Variants in SHC3 observed in about 807,000 individuals in gnomAD.
The protein encoded by SHC3 is SHC adaptor protein 3.
Under a neutral mutation model 60.4 loss-of-function variants are expected in SHC3, and 15 were observed. The observed-to-expected ratio is 0.25, with a 90% CI of 0.17 to 0.38. The LOEUF is 0.38. SHC3 is among the 10% of genes least tolerant of loss of function. The probability of loss-of-function intolerance (pLI) is 1.00; values close to 1 mark genes in which losing one functional copy is unlikely to be tolerated. For synonymous variants in SHC3, 294 were observed against 325.9 expected, an observed-to-expected ratio of 0.90 and a Z score of 1.05; for missense variants, 677 against 786.1, an observed-to-expected ratio of 0.86 and a Z score of 1.66.
intron 1 of SHC3, among the ~76,000 whole-genome samples, chr9:89,174,628 T>G (rs1341933741): frequency 6.6e-6 from 1 of 152,198 alleles, no homozygotes; most frequent in Non-Finnish European, 1.5e-5. Flanking sequence ...CTAAATATGG[T>G]CACTTCTTAT....
At chr9:89,014,149 A>T (rs1459716706) in intron 11 of SHC3, among the ~76,000 whole-genome samples, 2 of 152,112 alleles carry the variant, frequency 1.3e-5, no homozygotes, top group Non-Finnish European at 2.9e-5. Context: ...GCAGTCCCCC[A>T]CTGGAGAGTG....
chr9:89,159,601 A>G (rs1022354012), intron 1 of SHC3, among the ~76,000 whole-genome samples: 8 of 152,220 alleles, frequency 5.3e-5, no homozygotes, highest in Admixed American at 3.9e-4. Flanking sequence ...AGGGGAGTTT[A>G]TAAAGTATTA....
intron 7 of SHC3, among the ~76,000 whole-genome samples, chr9:89,050,533 G>A (rs571897759): frequency 2.6e-5 from 4 of 152,260 alleles, no homozygotes; most frequent in South Asian, 2.1e-4. Flanking sequence ...TGATCCACCC[G>A]CCTTGGCCTC....
chr9:89,144,955 A>T (rs532173406), intron 1 of SHC3, among the ~76,000 whole-genome samples: 25 of 152,296 alleles, frequency 1.6e-4, no homozygotes, highest in Middle Eastern at 6.8e-3. Flanking sequence ...AAATACAAAT[A>T]GGTTTCACCA....
intron 2 of SHC3, among the ~76,000 whole-genome samples, chr9:89,098,607 G>A (rs749544880): frequency 5.3e-5 from 8 of 152,154 alleles, no homozygotes; most frequent in Non-Finnish European, 1.2e-4. Context: ...TCAGGAGATC[G>A]AGACCATCCT....
intron 2 of SHC3, among the ~76,000 whole-genome samples, chr9:89,089,345 G>A (rs981112144): frequency 1.3e-5 from 2 of 152,196 alleles, no homozygotes; most frequent in Non-Finnish European, 2.9e-5. Flanking sequence ...GTATATCTTG[G>A]AGGTGCCATG....
At chr9:89,130,919 G>C in intron 1 of SHC3, among the ~76,000 whole-genome samples, 1 of 152,058 alleles carries the variant, frequency 6.6e-6, no homozygotes, top group Non-Finnish European at 1.5e-5. Context: ...GAGCAGAACT[G>C]AAGGAGATAG....
chr9:89,023,119 C>G (rs1009419810), intron 11 of SHC3, among the ~76,000 whole-genome samples: 1 of 152,170 alleles, frequency 6.6e-6, no homozygotes, highest in Non-Finnish European at 1.5e-5. Flanking sequence ...CTATGAGAAG[C>G]GAACACTCAG....
chr9:89,069,007 A>C (rs1825227576), intron 5 of SHC3, among the ~76,000 whole-genome samples: 1 of 152,252 alleles, frequency 6.6e-6, no homozygotes, highest in African/African-American at 2.4e-5. Context: ...TATAGACAGC[A>C]TCTGAAGAAA....
intron 1 of SHC3, among the ~76,000 whole-genome samples, chr9:89,120,479 A>G (rs1218391363): frequency 2.0e-5 from 3 of 152,232 alleles, no homozygotes; most frequent in Non-Finnish European, 4.4e-5. Flanking sequence ...AATCTGAGAA[A>G]TTAAAATTAA....
intron 5 of SHC3, among the ~76,000 whole-genome samples, chr9:89,067,821 T>C (rs1368058945): frequency 1.3e-5 from 2 of 152,234 alleles, no homozygotes; most frequent in Non-Finnish European, 2.9e-5. Context: ...TGTTTACTTG[T>C]ATTTAACTTT....
chr9:89,128,415 C>T (rs538989677), intron 1 of SHC3, among the ~76,000 whole-genome samples: 28 of 152,272 alleles, frequency 1.8e-4, no homozygotes, highest in South Asian at 6.2e-4. Context: ...TCTCCCAGCA[C>T]GGAGTTTGAG....
intron 1 of SHC3, among the ~76,000 whole-genome samples, chr9:89,163,745 T>TA (rs901823239): frequency 6.6e-6 from 1 of 151,322 alleles, no homozygotes; most frequent in African/African-American, 2.4e-5. Context: ...AAAGTATAAT[T>TA]AAAAAAAGAA....
chr9:89,121,023 T>A (rs937727080), intron 1 of SHC3, among the ~76,000 whole-genome samples: 5 of 152,074 alleles, frequency 3.3e-5, no homozygotes, highest in Admixed American at 6.6e-5. Context: ...AAGTAGGCAA[T>A]AATAACATAC....
intron 11 of SHC3, among the ~76,000 whole-genome samples, chr9:89,035,120 C>T (rs1020514423): frequency 2.0e-5 from 3 of 152,208 alleles, no homozygotes; most frequent in African/African-American, 4.8e-5. Flanking sequence ...TCCCAGAGCT[C>T]AGGGCCTTTG....
intron 2 of SHC3, among the ~76,000 whole-genome samples, chr9:89,085,138 C>T (rs1270722028): frequency 6.6e-6 from 1 of 152,194 alleles, no homozygotes; most frequent in East Asian, 1.9e-4. Flanking sequence ...TTTGGAAACA[C>T]ACACACAAAA....
Position 89,052,173 on chromosome 9 carries a change from C to G in SHC3, c.836-10G>C, listed in dbSNP as rs1250272625. On this transcript the variant is annotated splice_polypyrimidine_tract_variant and intron_variant, in intron 6 of 11. Transcript: ENST00000375835. Reference sequence around the variant, plus strand: ...TCCAAAATGTGACAAGCTGGGAAAGCAAGTGACATGGGCCTATTAGAGACA... The same window carrying G: ...TCCAAAATGTGACAAGCTGGGAAAGGAAGTGACATGGGCCTATTAGAGACA... 6.2e-7 allele frequency: 1 copy of G among 1,613,088 alleles called. No homozygotes were observed. Among genetic ancestry groups the G allele is most frequent in the South Asian group, 1.1e-5 (1 of 91,048 alleles).
intron 2 of SHC3, among the ~76,000 whole-genome samples, chr9:89,104,800 T>C (rs1352233303): frequency 7.0e-6 from 1 of 142,310 alleles, no homozygotes; most frequent in Non-Finnish European, 1.5e-5. Context: ...CCACCCTTCA[T>C]TTGCTATTTG....
chr9:89,131,949 G>A (rs968374219), intron 1 of SHC3, among the ~76,000 whole-genome samples: 2 of 152,138 alleles, frequency 1.3e-5, no homozygotes, highest in African/African-American at 4.8e-5. Context: ...TATTCAAATA[G>A]GAAAAGAGGA....
Sources: allele counts gnomAD v4.1 joint callset (sites outside exome capture counted in the v4.1 genomes callset), GRCh38; gene constraint gnomAD v4.1.1; transcripts MANE v1.5; gene names NCBI Gene and HGNC (gene_info 2026-07-23, HGNC 2026-07-21).